Variants in MEI4 observed in about 807,000 individuals in gnomAD.
MEI4 encodes meiosis-specific protein MEI4.
A neutral mutation model predicts 31.4 loss-of-function variants in MEI4; 27 were observed. The ratio of observed to expected loss-of-function variants is 0.86; its 90% confidence interval spans 0.63 to 1.19. The LOEUF (loss-of-function observed/expected upper bound fraction) is 1.19. MEI4 is among the 50% of genes most tolerant of loss of function. The pLI is 0.00. For missense variants in MEI4, 329 were observed against 398.9 expected (o/e 0.82, Z 1.49); for synonymous variants, 122 against 145.4 (o/e 0.84, Z 1.16).
rs140366550 is a variant in MEI4 at position 77,760,721 on chromosome 6, A to G, written c.233-409A>G. On this transcript the variant is annotated intron_variant, in intron 2 of 4. Transcript: ENST00000684080. ...CTAATCTAACAAGGTAGGCTGTTCA[A>G]TGGCCCTCCTGATTTTATAGTTCCC... 1.4e-3 allele frequency among the ~76,000 whole-genome samples: 213 copies of G among 152,256 alleles called. 1 individual carries two copies. The highest frequency in any genetic ancestry group is 4.5e-3 in the African/African-American group (187 of 41,546).
intron 4 of MEI4, among the ~76,000 whole-genome samples, chr6:77,830,066 G>A (rs1770042440): frequency 6.6e-6 from 1 of 152,006 alleles, no homozygotes; most frequent in Non-Finnish European, 1.5e-5. Flanking sequence ...TTGAAAAGGA[G>A]CAAAGTGTTA....
At chr6:77,702,867 C>T (rs1766255122) in intron 2 of MEI4, among the ~76,000 whole-genome samples, 1 of 152,174 alleles carries the variant, frequency 6.6e-6, no homozygotes, top group Non-Finnish European at 1.5e-5. Context: ...CATATTCTCT[C>T]TGTAGGGTAT....
At chr6:77,915,047 T>G (rs1766513319) in intron 4 of MEI4, among the ~76,000 whole-genome samples, 1 of 152,096 alleles carries the variant, frequency 6.6e-6, no homozygotes, top group African/African-American at 2.4e-5. Flanking sequence ...TTAATTTGTT[T>G]ATATTCAAGG....
At position 77,811,435 on chromosome 6, in the gene MEI4, G is replaced by A. The variant is rs9448228; in HGVS notation, c.769-17496G>A. On this transcript the variant is annotated intron_variant, in intron 3 of 4. Transcript: ENST00000684080. ...CAAATTTTATGAGAGTTCATATATA[G>A]AGGATGAGATAATTTCAAAATATTC... Among the ~76,000 whole-genome samples the A allele has an allele frequency of 7.0e-3, 1,062 of 152,274 alleles. 13 individuals carry two copies. Among genetic ancestry groups the A allele is most frequent in the African/African-American group, 0.024 (1,001 of 41,560 alleles).
At chr6:77,873,040 T>A (rs914664967) in intron 4 of MEI4, among the ~76,000 whole-genome samples, 7 of 151,808 alleles carry the variant, frequency 4.6e-5, no homozygotes, top group African/African-American at 1.7e-4. Flanking sequence ...GCAATAAACA[T>A]ACGTGTGCAT....
intron 2 of MEI4, among the ~76,000 whole-genome samples, chr6:77,695,010 C>T (rs1765982901): frequency 6.6e-6 from 1 of 151,928 alleles, no homozygotes; most frequent in Admixed American, 6.6e-5. Context: ...TCTCTGATGG[C>T]CAGTGATGAT....
At chr6:77,915,409 T>C (rs1214377401) in intron 4 of MEI4, among the ~76,000 whole-genome samples, 1 of 152,066 alleles carries the variant, frequency 6.6e-6, no homozygotes, top group Non-Finnish European at 1.5e-5. Flanking sequence ...GGGTATGTTA[T>C]TCTTGACTGG....
Position 77,923,331 on chromosome 6 carries a change from A to AT in MEI4, c.1143_1144insT (p.Thr382TyrfsTer3). The AT allele has an allele frequency of 8.1e-7, 1 of 1,229,772 alleles. No individual in the cohort carries two copies. Among genetic ancestry groups the AT allele is most frequent in the Non-Finnish European group, 1.0e-6 (1 of 986,360 alleles). 76.2% of individuals were successfully genotyped at this position (1,229,772 alleles called of 1,614,324 possible). On this transcript the variant is annotated frameshift_variant, in exon 5 of 5. Coordinates refer to ENST00000684080, the MANE Select transcript of MEI4 (RefSeq NM_001322247.2). LOFTEE classifies it high-confidence loss of function. ...TTCTTTTGAGCTCAGCACAGATAGA[A>AT]ACTCTTAGAAAATAACTCCATTCCT... is the stretch of plus-strand genomic sequence containing the variant.
intron 2 of MEI4, among the ~76,000 whole-genome samples, chr6:77,743,224 A>T (rs372834513): frequency 6.6e-5 from 10 of 152,094 alleles, no homozygotes; most frequent in Non-Finnish European, 1.2e-4. Context: ...TATGGCCATT[A>T]TCATGATATT....
intron 3 of MEI4, among the ~76,000 whole-genome samples, chr6:77,769,540 C>T (rs1006567382): frequency 7.9e-5 from 12 of 152,120 alleles, no homozygotes; most frequent in Non-Finnish European, 1.6e-4. Context: ...CAAGGAAGTG[C>T]TTGTGTCACC....
chr6:77,694,907 C>T (rs1304033174), intron 2 of MEI4, among the ~76,000 whole-genome samples: 5 of 150,750 alleles, frequency 3.3e-5, no homozygotes, highest in Admixed American at 2.6e-4. Flanking sequence ...TATTTCTCCA[C>T]ATCCTCTCCA....
At chr6:77,743,517 T>G (rs1767480618) in intron 2 of MEI4, among the ~76,000 whole-genome samples, 1 of 152,130 alleles carries the variant, frequency 6.6e-6, no homozygotes, top group African/African-American at 2.4e-5. Context: ...TAAGGAGATT[T>G]TGGGCTGAGA....
rs148179471 is a variant in MEI4 at position 77,905,634 on chromosome 6, C to G, written c.901-17455C>G. Among the ~76,000 whole-genome samples the G allele has an allele frequency of 1.6e-3, 243 of 151,092 alleles. 2 individuals carry two copies. The highest frequency in any genetic ancestry group is 5.5e-3 in the African/African-American group (228 of 41,246). ...GCCTCAGCCTCCTGAGTAGCTGGGACTACAGATGTGTGCCAGCATGCCTAG... is the reference window on the plus strand; with the variant it reads ...GCCTCAGCCTCCTGAGTAGCTGGGAGTACAGATGTGTGCCAGCATGCCTAG... On this transcript the variant is annotated intron_variant, in intron 4 of 4. Coordinates refer to ENST00000684080, the MANE Select transcript of MEI4 (RefSeq NM_001322247.2).
intron 2 of MEI4, among the ~76,000 whole-genome samples, chr6:77,746,508 A>T (rs1478835269): frequency 2.0e-5 from 3 of 152,068 alleles, no homozygotes; most frequent in African/African-American, 7.2e-5. Flanking sequence ...TTGGGTCTTA[A>T]GTCTGCCAGT....
At chr6:77,711,728 T>A (rs891572497) in intron 2 of MEI4, among the ~76,000 whole-genome samples, 7 of 152,192 alleles carry the variant, frequency 4.6e-5, no homozygotes, top group Admixed American at 1.3e-4. Flanking sequence ...AACCCCCTTT[T>A]TTTCTCTTGT....
At chr6:77,764,789 AT>A (rs2127683928) in intron 3 of MEI4, among the ~76,000 whole-genome samples, 1 of 152,348 alleles carries the variant, frequency 6.6e-6, no homozygotes, top group African/African-American at 2.4e-5. Context: ...TGAAATTAGA[AT>A]ACAACAACAA....
chr6:77,823,932 T>G (rs1769884944), intron 3 of MEI4, among the ~76,000 whole-genome samples: 1 of 152,142 alleles, frequency 6.6e-6, no homozygotes, highest in African/African-American at 2.4e-5. Flanking sequence ...AGTGTAATAG[T>G]TATGTTTCCT....
intron 3 of MEI4, among the ~76,000 whole-genome samples, chr6:77,779,933 G>A (rs998599167): frequency 6.6e-6 from 1 of 152,136 alleles, no homozygotes; most frequent in African/African-American, 2.4e-5. Context: ...CTGAAAGCCA[G>A]AATTTTAGTC....
intron 4 of MEI4, among the ~76,000 whole-genome samples, chr6:77,869,174 A>G (rs1771136063): frequency 6.6e-6 from 1 of 152,158 alleles, no homozygotes; most frequent in Non-Finnish European, 1.5e-5. Flanking sequence ...CCAGAGAAAA[A>G]GCAAATACAT....
Sources: allele counts gnomAD v4.1 joint callset (sites outside exome capture counted in the v4.1 genomes callset), GRCh38; gene constraint gnomAD v4.1.1; transcripts MANE v1.5; gene names NCBI Gene and HGNC (gene_info 2026-07-23, HGNC 2026-07-21).